KRAS: variants seen among roughly 807,000 people sequenced by gnomAD.
KRAS encodes KRas proto-oncogene, GTPase.
A neutral mutation model predicts 21.0 loss-of-function variants in KRAS; 1 was observed. The observed-to-expected ratio is 0.05, with a 90% confidence interval of 0.02 to 0.23. KRAS has a LOEUF of 0.23. Among genes scored for constraint, KRAS ranks in the 10% least tolerant of loss-of-function variants. The pLI is 1.00. For synonymous variants in KRAS, 67 were observed against 72.5 expected, an observed-to-expected ratio of 0.92 and a Z score of 0.39; for missense variants, 107 against 221.8, an observed-to-expected ratio of 0.48 and a Z score of 3.29.
intron 4 of KRAS, among the ~76,000 whole-genome samples, chr12:25,222,242 A>G (rs1951336560): frequency 6.6e-6 from 1 of 152,088 alleles, no homozygotes; most frequent in Non-Finnish European, 1.5e-5. Flanking sequence ...CTCTGCAGAA[A>G]GGAGGACTTG....
At chr12:25,226,211 G>C (rs1169664440) in intron 3 of KRAS, among the ~76,000 whole-genome samples, 4 of 152,102 alleles carry the variant, frequency 2.6e-5, no homozygotes, top group African/African-American at 9.7e-5. Flanking sequence ...TGGACAACTA[G>C]AAAGATTTTG....
chr12:25,236,462 C>T (rs553098025), intron 2 of KRAS, among the ~76,000 whole-genome samples: 9 of 152,186 alleles, frequency 5.9e-5, no homozygotes, highest in African/African-American at 2.2e-4. Context: ...TCCCAGCATT[C>T]CCTGAATCTT....
At chr12:25,224,356 T>C (rs915318493) in intron 4 of KRAS, among the ~76,000 whole-genome samples, 1 of 152,000 alleles carries the variant, frequency 6.6e-6, no homozygotes, top group Non-Finnish European at 1.5e-5. Context: ...ACAATGATAT[T>C]GATGGTCCTG....
At chr12:25,217,200 A>G (rs1951265488) in intron 4 of KRAS, among the ~76,000 whole-genome samples, 1 of 152,188 alleles carries the variant, frequency 6.6e-6, no homozygotes, top group East Asian at 1.9e-4. Flanking sequence ...AAGTAAACCA[A>G]TGGCTAGGGC....
In KRAS at chr12:25,208,243, C is replaced by T. The variant is rs1951162147; in HGVS notation, c.*1552G>A. ...GGATAGTAAGTGATGTCCTCAAAAT[C>T]AGAGTCCTAAAAGACACCTATCTAG... On this transcript the variant is annotated 3_prime_UTR_variant, in exon 5 of 5. Transcript: ENST00000311936. 4.3e-6 allele frequency: 1 copy of T among 233,118 alleles called. No homozygotes were observed. The highest frequency in any genetic ancestry group is 8.5e-6 in the Non-Finnish European group (1 of 117,820). 14.4% of individuals were successfully genotyped at this position (233,118 alleles called of 1,614,324 possible).
intron 1 of KRAS, among the ~76,000 whole-genome samples, chr12:25,247,961 T>G (rs564569601): frequency 1.3e-5 from 2 of 152,160 alleles, no homozygotes; most frequent in Admixed American, 1.3e-4. Context: ...TTTTAAAAAA[T>G]TGTTTTAATT....
chr12:25,228,000 T>C (rs544705337), intron 2 of KRAS, among the ~76,000 whole-genome samples: 64 of 152,248 alleles, frequency 4.2e-4, no homozygotes, highest in African/African-American at 1.4e-3. Flanking sequence ...ATACATACAG[T>C]GGAACATTAT....
rs1951140693 is a variant in KRAS at position 25,206,542 on chromosome 12, T to TA, written c.*3252dup. 4 of 204,062 alleles carry TA rather than the reference T, an allele frequency of 2.0e-5. No homozygotes were observed. Among genetic ancestry groups the TA allele is most frequent in the East Asian group, 7.6e-5 (1 of 13,084 alleles). The allele number at this position is 204,062 out of a possible 1,614,324, so 12.6% of individuals were successfully genotyped here. On this transcript the variant is annotated 3_prime_UTR_variant, in exon 5 of 5. Transcript: ENST00000311936. ...ACATAAAGGTAATTAACCACTACCT[T>TA]AAAAAAATGCCCATCTACATCAAAA...
chr12:25,206,100 A>G lies in KRAS; in HGVS notation c.*3695T>C, dbSNP rs1327856258. 1.4e-5 allele frequency: 3 copies of G among 211,290 alleles called. No homozygotes were observed. Among genetic ancestry groups the G allele is most frequent in the Non-Finnish European group, 2.8e-5 (3 of 106,126 alleles). 13.1% of individuals were successfully genotyped at this position (211,290 alleles called of 1,614,324 possible). ...AAAGTTATATACTGTTTGAAGAAAAAATGTTTAGAAGAAAAAAAAAATCAA... is the reference window on the plus strand; with the variant it reads ...AAAGTTATATACTGTTTGAAGAAAAGATGTTTAGAAGAAAAAAAAAATCAA... On this transcript the variant is annotated 3_prime_UTR_variant, in exon 5 of 5. Transcript: ENST00000311936.
At position 25,246,329 on chromosome 12, in the gene KRAS, G is replaced by A. The variant is rs915811676; in HGVS notation, c.-11-934C>T. 5.6e-4 allele frequency among the ~76,000 whole-genome samples: 86 copies of A among 152,240 alleles called. 1 individual carries two copies. The highest frequency in any genetic ancestry group is 7.4e-5 in the Non-Finnish European group (5 of 68,014). ...TCCCAGCACTTTCAGAGGCCAAGGC[G>A]GGTGGATCACCTGAGGCCAGGAGTT... On this transcript the variant is annotated intron_variant, in intron 1 of 4. Transcript: ENST00000311936.
intron 4 of KRAS, among the ~76,000 whole-genome samples, chr12:25,218,697 C>A (rs1415135026): frequency 6.6e-6 from 1 of 152,168 alleles, no homozygotes; most frequent in Admixed American, 6.5e-5. Flanking sequence ...CTGTAAACCA[C>A]TGGCACTGGC....
In KRAS at chr12:25,209,280, T is replaced by C; in HGVS notation, c.*515A>G. 1.5e-6 allele frequency: 1 copy of C among 664,262 alleles called. No individual in the cohort carries two copies. The highest frequency in any genetic ancestry group is 2.8e-5 in the East Asian group (1 of 36,056). The allele number at this position is 664,262 out of a possible 1,614,324, so 41.1% of individuals were successfully genotyped here. A position where few individuals can be genotyped will look rare whatever the true frequency, so the allele number is the denominator to read the frequency against. Reference sequence around the variant, plus strand: ...CCTTTGTGAACAGTGTAACTTTACATTCATCAGGGATGACAAACTATAGGA... The same window carrying C: ...CCTTTGTGAACAGTGTAACTTTACACTCATCAGGGATGACAAACTATAGGA... On this transcript the variant is annotated 3_prime_UTR_variant, in exon 5 of 5. Coordinates refer to ENST00000311936, the MANE Select transcript of KRAS (RefSeq NM_004985.5).
chr12:25,210,881 TG>T (rs1951194250), intron 4 of KRAS: 2 of 109,242 alleles, frequency 1.8e-5, no homozygotes, highest in Non-Finnish European at 4.3e-5. Context: ...ACTCTCAAAC[TG>T]GTAGTAGATT....
intron 2 of KRAS, among the ~76,000 whole-genome samples, chr12:25,229,136 AT>A (rs1184900514): frequency 3.3e-5 from 5 of 151,918 alleles, no homozygotes; most frequent in African/African-American, 1.2e-4. Flanking sequence ...ACAAAAAAAA[AT>A]TTTTTAAAGG....
In KRAS at chr12:25,209,925, A is replaced by G. The variant is rs372508498; in HGVS notation, c.451-14T>C. The G allele has an allele frequency of 1.1e-4, 175 of 1,591,272 alleles. No individual in the cohort carries two copies. The highest frequency in any genetic ancestry group is 1.4e-4 in the African/African-American group (10 of 73,838). ...ATCATCAACACCCTGAAATACATAA[A>G]AAGTATTAAAATGTGAATATATACG... On this transcript the variant is annotated splice_polypyrimidine_tract_variant and intron_variant, in intron 4 of 4. Coordinates refer to ENST00000311936, the MANE Select transcript of KRAS (RefSeq NM_004985.5).
intron 4 of KRAS, chr12:25,225,121 A>G (rs916038441): frequency 2.0e-5 from 3 of 151,852 alleles, no homozygotes; most frequent in Non-Finnish European, 4.4e-5. Flanking sequence ...CTTTCTGGGT[A>G]TTGTCTTTCT....
chr12:25,218,299 T>TC (rs1356838561), intron 4 of KRAS, among the ~76,000 whole-genome samples: 2 of 151,454 alleles, frequency 1.3e-5, no homozygotes, highest in African/African-American at 4.9e-5. Flanking sequence ...ACAGTATTGG[T>TC]CCTCTACTAA....
Position 25,236,686 on chromosome 12 carries a change from T to C in KRAS, c.111+8588A>G, listed in dbSNP as rs1951548651. Among the ~76,000 whole-genome samples, 3 of 151,904 alleles carry C rather than the reference T, an allele frequency of 2.0e-5. 1 individual carries two copies. In the South Asian group the frequency reaches 6.2e-4, roughly 32 times the overall value. ...AGAGAGGGGAGCAGAGACTGGGAGA[T>C]GAGCTACGAATTATTACAAGAAATG... On this transcript the variant is annotated intron_variant, in intron 2 of 4. Coordinates refer to ENST00000311936, the MANE Select transcript of KRAS (RefSeq NM_004985.5).
chr12:25,243,239 C>T lies in KRAS; in HGVS notation c.111+2035G>A, dbSNP rs183607447. Reference sequence around the variant, plus strand: ...TCCTGCCTTTCTTACAGTTTAACTACACCAAGAACTTAATGTAATGTGTCA... The same window carrying T: ...TCCTGCCTTTCTTACAGTTTAACTATACCAAGAACTTAATGTAATGTGTCA... On this transcript the variant is annotated intron_variant, in intron 2 of 4. Coordinates refer to ENST00000311936, the MANE Select transcript of KRAS (RefSeq NM_004985.5). Among the ~76,000 whole-genome samples the T allele has an allele frequency of 1.3e-3, 193 of 152,268 alleles. 1 individual carries two copies. The highest frequency in any genetic ancestry group is 3.4e-3 in the Middle Eastern group (1 of 294).
Sources: allele counts gnomAD v4.1 joint callset (sites outside exome capture counted in the v4.1 genomes callset), GRCh38; gene constraint gnomAD v4.1.1; transcripts MANE v1.5; gene names NCBI Gene and HGNC (gene_info 2026-07-23, HGNC 2026-07-21).